TBL1X: variants seen among roughly 807,000 people sequenced by gnomAD.
The protein encoded by TBL1X is transducin beta like 1 X-linked.
In TBL1X, 10 loss-of-function variants were observed where a neutral mutation model predicts 50.7. That is an observed-to-expected ratio of 0.20 (90% confidence interval 0.12 to 0.33). The LOEUF is 0.33. Ranked by LOEUF, TBL1X falls within the 10% of genes least tolerant of loss-of-function variation. TBL1X has a pLI of 1.00. For missense variants in TBL1X, 340 were observed against 504.4 expected, an observed-to-expected ratio of 0.67 and a Z score of 3.12; for synonymous variants, 190 against 214.7, an observed-to-expected ratio of 0.88 and a Z score of 1.01.
At chrX:9,506,722 C>G (rs1352936883) in intron 2 of TBL1X, among the ~76,000 whole-genome samples, 3 of 111,882 alleles carry the variant, frequency 2.7e-5, no homozygotes, top group African/African-American at 9.8e-5. Context: ...ATACACCCTA[C>G]CAAGACTAAA....
At chrX:9,706,857 T>C (rs1215141952) in intron 13 of TBL1X, among the ~76,000 whole-genome samples, 13 of 111,161 alleles carry the variant, frequency 1.2e-4, no homozygotes, top group Non-Finnish European at 2.3e-4. Context: ...CTCCCTGCCT[T>C]AGACCCCCAC....
At chrX:9,570,060 C>A in intron 2 of TBL1X, among the ~76,000 whole-genome samples, 1 of 111,985 alleles carries the variant, frequency 8.9e-6, no homozygotes. Flanking sequence ...CCTTCCAAAC[C>A]ACAGCTCGTT....
intron 2 of TBL1X, among the ~76,000 whole-genome samples, chrX:9,570,462 A>T (rs973276779): frequency 9.0e-6 from 1 of 111,281 alleles, no homozygotes; most frequent in African/African-American, 3.3e-5. Context: ...GTGGACATTC[A>T]TTAGAATATT....
Position 9,688,269 on chromosome X carries a change from T to G in TBL1X, c.610T>G (p.Ser204Ala). 4 of 1,179,430 alleles carry G rather than the reference T, an allele frequency of 3.4e-6. No homozygotes were observed. Among genetic ancestry groups the G allele is most frequent in the Non-Finnish European group, 4.6e-6 (4 of 876,360 alleles). Residue 204 changes from serine to alanine, a missense_variant, in exon 7 of 18, where the codon TCA becomes GCA. By Grantham distance (99) the Ser-to-Ala change is moderately conservative. Around this residue, in one of 6 missense-constraint regions of TBL1X, gnomAD observed 99 missense variants for 93.3 expected, o/e 1.06. Coordinates refer to ENST00000645353, the MANE Select transcript of TBL1X (RefSeq NM_005647.4). ...GAATGGGGAAGAGAACAGAGCACATTCAGTCAGTGAGTGCAGGGGCTCTGG... is the reference window on the plus strand; with the variant it reads ...GAATGGGGAAGAGAACAGAGCACATGCAGTCAGTGAGTGCAGGGGCTCTGG... ...TVNGEENRAH[S>A]VNNHAKPMEI...
chrX:9,481,795 C>T (rs967950959), intron 1 of TBL1X, among the ~76,000 whole-genome samples: 4 of 112,041 alleles, frequency 3.6e-5, no homozygotes, highest in Admixed American at 9.5e-5. Flanking sequence ...CAGATAAATC[C>T]GTGGCTGGGC....
intron 1 of TBL1X, among the ~76,000 whole-genome samples, chrX:9,494,646 C>T (rs1301089583): frequency 9.0e-6 from 1 of 111,591 alleles, no homozygotes; most frequent in Non-Finnish European, 1.9e-5. Context: ...GGTCATCTTT[C>T]GTGAATTTGC....
chrX:9,542,952 T>A (rs2082222686), intron 2 of TBL1X, among the ~76,000 whole-genome samples: 1 of 111,727 alleles, frequency 9.0e-6, no homozygotes, highest in Admixed American at 9.4e-5. Flanking sequence ...CCGTGGCCTG[T>A]CCCCTGCCAC....
At chrX:9,532,116 C>T (rs754749082) in intron 2 of TBL1X, among the ~76,000 whole-genome samples, 2 of 111,453 alleles carry the variant, frequency 1.8e-5, no homozygotes, top group African/African-American at 3.3e-5. Context: ...CTGAAAGGTT[C>T]GTGCAGTGGC....
chrX:9,491,306 T>TTATATA lies in TBL1X; in HGVS notation c.-200-10446_-200-10441dup, dbSNP rs757466880. Reference sequence around the variant, plus strand: ...GCATCACCGCACTTGGCCAGTATATTTATATATATATATATATATATATAT... The same window carrying TTATATA: ...GCATCACCGCACTTGGCCAGTATATTTATATATATATATATATATATATATATATAT... On this transcript the variant is annotated intron_variant, in intron 1 of 17. Coordinates refer to ENST00000645353, the MANE Select transcript of TBL1X (RefSeq NM_005647.4). Among the ~76,000 whole-genome samples, 229 of 51,825 alleles carry TTATATA rather than the reference T, an allele frequency of 4.4e-3. 1 individual carries two copies. The highest frequency in any genetic ancestry group is 0.014 in the Middle Eastern group (1 of 73). 45.0% of individuals were successfully genotyped at this position (51,825 alleles called of 115,157 possible).
chrX:9,686,961 G>A (rs763060599), intron 6 of TBL1X, among the ~76,000 whole-genome samples: 10 of 112,317 alleles, frequency 8.9e-5, no homozygotes, highest in African/African-American at 2.3e-4. Context: ...ATATTGTCTT[G>A]TAATCAGAAA....
chrX:9,678,334 A>G (rs1188243952), intron 5 of TBL1X, among the ~76,000 whole-genome samples: 2 of 110,429 alleles, frequency 1.8e-5, no homozygotes, highest in Admixed American at 9.7e-5. Context: ...CACCTACTCA[A>G]CTCTCCCATT....
intron 2 of TBL1X, among the ~76,000 whole-genome samples, chrX:9,578,256 G>C (rs1228988546): frequency 2.7e-5 from 3 of 111,295 alleles, no homozygotes; most frequent in Non-Finnish European, 5.7e-5. Context: ...CCTTCTTAGA[G>C]ATAAGGCCTC....
intron 5 of TBL1X, among the ~76,000 whole-genome samples, chrX:9,672,168 A>G (rs1380170225): frequency 4.4e-5 from 5 of 112,478 alleles, no homozygotes; most frequent in Non-Finnish European, 9.4e-5. Context: ...GAAGATGCAC[A>G]TAAGCCTTAA....
At chrX:9,511,093 A>G (rs750680410) in intron 2 of TBL1X, among the ~76,000 whole-genome samples, 7 of 112,219 alleles carry the variant, frequency 6.2e-5, no homozygotes, top group Non-Finnish European at 1.1e-4. Flanking sequence ...CAAAGTAGAA[A>G]ATATTTACTC....
At chrX:9,472,103 T>C (rs2081818900) in intron 1 of TBL1X, among the ~76,000 whole-genome samples, 1 of 111,840 alleles carries the variant, frequency 8.9e-6, no homozygotes, top group African/African-American at 3.3e-5. Flanking sequence ...GGCTTGACTC[T>C]TTCCAATTAG....
chrX:9,551,883 A>G (rs1025502296), intron 2 of TBL1X, among the ~76,000 whole-genome samples: 5 of 111,854 alleles, frequency 4.5e-5, no homozygotes, highest in Non-Finnish European at 9.4e-5. Flanking sequence ...CTGATCAGAT[A>G]GGGAGGCTGT....
chrX:9,607,560 T>G (rs2082589965), intron 2 of TBL1X, among the ~76,000 whole-genome samples: 1 of 112,390 alleles, frequency 8.9e-6, no homozygotes, highest in Non-Finnish European at 1.9e-5. Flanking sequence ...TGAAGCTTGA[T>G]GGTACCAGTG....
chrX:9,700,665 T>G (rs1422787151), intron 12 of TBL1X, among the ~76,000 whole-genome samples: 10 of 111,838 alleles, frequency 8.9e-5, no homozygotes, highest in Admixed American at 7.6e-4. Context: ...GAGGAGCGCC[T>G]TTCTGTGGCT....
intron 2 of TBL1X, among the ~76,000 whole-genome samples, chrX:9,532,049 TTTTAAAA>T (rs1456727233): frequency 9.0e-6 from 1 of 111,714 alleles, no homozygotes; most frequent in Admixed American, 9.5e-5. Flanking sequence ...AGAGCACGTC[TTTTAAAA>T]TCAGTGCTGT....
Sources: allele counts gnomAD v4.1 joint callset (sites outside exome capture counted in the v4.1 genomes callset), GRCh38; gene constraint gnomAD v4.1.1; regional missense constraint gnomAD v4.1.1; transcripts MANE v1.5; gene names NCBI Gene and HGNC (gene_info 2026-07-23, HGNC 2026-07-21).